The following CENPP variants were observed in gnomAD, a reference collection of about 807,000 sequenced individuals.
CENPP encodes centromere protein P.
A neutral mutation model predicts 35.6 loss-of-function variants in CENPP; 24 were observed. That is an observed-to-expected ratio of 0.67 (90% confidence interval 0.49 to 0.95). CENPP has a LOEUF of 0.95. Among genes scored for constraint, CENPP ranks in the 40% least tolerant of loss-of-function variants. CENPP has a pLI of 0.00. For missense variants in CENPP, 332 were observed against 345.3 expected (o/e 0.96, Z 0.31); for synonymous variants, 120 against 125.5 (o/e 0.96, Z 0.29).
intron 5 of CENPP, chr9:92,456,325 T>C (rs1474603871): frequency 6.6e-6 from 1 of 152,232 alleles, no homozygotes; most frequent in African/African-American, 2.4e-5. Flanking sequence ...TCGGTTTCTG[T>C]CTGTTTAATT....
chr9:92,592,247 AGG>A (rs1850682988), intron 5 of CENPP, among the ~76,000 whole-genome samples: 1 of 152,156 alleles, frequency 6.6e-6, no homozygotes, highest in Admixed American at 6.5e-5. Flanking sequence ...CACTCCGATC[AGG>A]AAACAGCATG....
intron 5 of CENPP, among the ~76,000 whole-genome samples, chr9:92,390,587 T>TGTGTGTGTGTGTGTGCGCGC (rs749697394): frequency 2.0e-3 from 277 of 141,910 alleles, no homozygotes; most frequent in Non-Finnish European, 3.1e-3. Flanking sequence ...TGTGTGTGTG[T>TGTGTGTGTGTGTGTGCGCGC]GCGCGCGCGC....
chr9:92,516,866 T>C (rs773964675), intron 5 of CENPP: 1 of 152,220 alleles, frequency 6.6e-6, no homozygotes, highest in Non-Finnish European at 1.5e-5. Flanking sequence ...AAGGAGACTT[T>C]TGTAGACACC....
intron 5 of CENPP, among the ~76,000 whole-genome samples, chr9:92,424,013 T>C (rs1448467780): frequency 6.6e-6 from 1 of 152,188 alleles, no homozygotes; most frequent in Non-Finnish European, 1.5e-5. Context: ...TTAAACTCAT[T>C]ATACTACTTT....
intron 4 of CENPP, among the ~76,000 whole-genome samples, chr9:92,353,239 C>T (rs909865031): frequency 6.6e-6 from 1 of 152,242 alleles, no homozygotes; most frequent in Admixed American, 6.5e-5. Context: ...ATGACAATTA[C>T]AGTCCCCGTT....
At chr9:92,533,328 A>AAAAAAT (rs1554683138) in intron 5 of CENPP, among the ~76,000 whole-genome samples, 62 of 38,330 alleles carry the variant, frequency 1.6e-3, no homozygotes, top group Non-Finnish European at 2.4e-3. Flanking sequence ...AAAAAAAAAA[A>AAAAAAT]ATATATATAT....
At chr9:92,562,494 C>T (rs1849872213) in intron 5 of CENPP, among the ~76,000 whole-genome samples, 1 of 152,098 alleles carries the variant, frequency 6.6e-6, no homozygotes, top group Admixed American at 6.6e-5. Flanking sequence ...GTATGAGCCA[C>T]CGCGCCCTGC....
chr9:92,505,528 G>A, intron 5 of CENPP: 3 of 1,584,932 alleles, frequency 1.9e-6, no homozygotes, highest in Non-Finnish European at 1.7e-6. Flanking sequence ...AAAATATATT[G>A]TTACCTCAAT....
At chr9:92,327,905 T>G (rs1459253770) in intron 1 of CENPP, among the ~76,000 whole-genome samples, 1 of 152,204 alleles carries the variant, frequency 6.6e-6, no homozygotes, top group Non-Finnish European at 1.5e-5. Flanking sequence ...GTTTATAATT[T>G]GGTATCTTAT....
At chr9:92,450,702 A>C (rs1239486330) in intron 5 of CENPP, among the ~76,000 whole-genome samples, 1 of 152,188 alleles carries the variant, frequency 6.6e-6, no homozygotes, top group Non-Finnish European at 1.5e-5. Flanking sequence ...ACTAGTTTAC[A>C]GTCCTACCAA....
intron 5 of CENPP, among the ~76,000 whole-genome samples, chr9:92,443,507 C>T (rs902830954): frequency 5.9e-5 from 9 of 151,984 alleles, no homozygotes; most frequent in African/African-American, 9.7e-5. Context: ...CAAAATGATC[C>T]GAGATTCACT....
intron 5 of CENPP, among the ~76,000 whole-genome samples, chr9:92,475,869 T>G (rs1845696760): frequency 6.6e-6 from 1 of 152,212 alleles, no homozygotes; most frequent in African/African-American, 2.4e-5. Context: ...CCAGGTTGTT[T>G]TCAGTTGCAT....
At chr9:92,340,952 T>G (rs1189123685) in intron 3 of CENPP, among the ~76,000 whole-genome samples, 5 of 152,170 alleles carry the variant, frequency 3.3e-5, no homozygotes, top group African/African-American at 1.2e-4. Context: ...CAGAGCCATA[T>G]TTCTCTTCTT....
At chr9:92,557,676 C>T (rs1448947663) in intron 5 of CENPP, among the ~76,000 whole-genome samples, 2 of 152,128 alleles carry the variant, frequency 1.3e-5, no homozygotes, top group Non-Finnish European at 2.9e-5. Context: ...CAGAGTCTTG[C>T]TCTGTCGCCA....
chr9:92,515,065 C>G (rs764113489), intron 5 of CENPP: 13 of 1,613,966 alleles, frequency 8.1e-6, no homozygotes, highest in South Asian at 2.2e-5. Context: ...TGCTTCTTTT[C>G]TTACTATTCG....
At position 92,616,621 on chromosome 9, in the gene CENPP, T is replaced by C. The variant is rs969333315; in HGVS notation, c.*3472T>C. 1.3e-5 allele frequency: 2 copies of C among 152,834 alleles called. No homozygotes were observed. Among genetic ancestry groups the C allele is most frequent in the African/African-American group, 4.8e-5 (2 of 41,476 alleles). The allele number at this position is 152,834 out of a possible 1,614,324, so 9.5% of individuals were successfully genotyped here. On this transcript the variant is annotated 3_prime_UTR_variant, in exon 8 of 8. Coordinates refer to ENST00000375587, the MANE Select transcript of CENPP (RefSeq NM_001012267.3). ...TGAAGAGATCTGGTTTCTCATTTTA[T>C]TCTCAAATTTTATCTTCAGTCCTTT...
intron 5 of CENPP, among the ~76,000 whole-genome samples, chr9:92,428,130 G>A (rs1844015408): frequency 6.6e-6 from 1 of 152,196 alleles, no homozygotes. Context: ...CAGTCTCTTA[G>A]TCTATCTGCT....
At chr9:92,508,341 A>G (rs1847132597) in intron 5 of CENPP, among the ~76,000 whole-genome samples, 1 of 152,208 alleles carries the variant, frequency 6.6e-6, no homozygotes, top group African/African-American at 2.4e-5. Context: ...GTGGGCTAAG[A>G]AAGGCAGGCA....
chr9:92,488,489 T>C (rs889158169), intron 5 of CENPP, among the ~76,000 whole-genome samples: 2 of 152,354 alleles, frequency 1.3e-5, no homozygotes, highest in Admixed American at 1.3e-4. Context: ...TTTTTATCTA[T>C]GTATTTTTCT....
Sources: gnomAD v4.1 joint callset for allele counts (sites outside exome capture counted in the v4.1 genomes callset) on GRCh38, gnomAD v4.1.1 for gene constraint, MANE v1.5 for transcripts, NCBI Gene and HGNC (gene_info 2026-07-23, HGNC 2026-07-21) for gene names.